Variants in KATNAL1 observed in about 807,000 individuals in gnomAD.
KATNAL1 encodes the protein katanin catalytic subunit A1 like 1, also known as katanin p60 ATPase-containing subunit A-like 1.
In KATNAL1, 32 loss-of-function variants were observed where a neutral mutation model predicts 55.2. The observed-to-expected ratio is 0.58, with a 90% CI of 0.44 to 0.78. KATNAL1 has a LOEUF of 0.78. Ranked by LOEUF, KATNAL1 falls within the 30% of genes least tolerant of loss-of-function variation. The pLI, the probability that KATNAL1 is intolerant of heterozygous loss-of-function variation, is 0.00. For synonymous variants in KATNAL1, 193 were observed against 193.6 expected, an observed-to-expected ratio of 1.00 and a Z score of 0.02; for missense variants, 466 against 600.9, an observed-to-expected ratio of 0.78 and a Z score of 2.35.
At chr13:30,219,755 T>C (rs1278209682) in intron 9 of KATNAL1, among the ~76,000 whole-genome samples, 1 of 152,106 alleles carries the variant, frequency 6.6e-6, no homozygotes, top group African/African-American at 2.4e-5. Flanking sequence ...AGATCCACAA[T>C]AAACAAAGAG....
At position 30,283,753 on chromosome 13, in the gene KATNAL1, T is replaced by C. The variant is rs1430360074; in HGVS notation, c.25A>G (p.Asn9Asp). ...GCATATTCTCTTCCTTTCTTTGCAT[T>C]ATCACAAATCTCAGCCAAATTCATC... MNLAEICD[N>D]AKKGREYALL... is the part of the protein sequence containing the mutation. The change falls in exon 2 of 11, where the codon AAT becomes GAT. Residue 9 changes from asparagine (N) to aspartate (D), a missense_variant. Physicochemically the swap from Asn to Asp is conservative, Grantham distance 23 (BLOSUM62 1). Transcript: ENST00000380615. 3.7e-6 allele frequency: 6 copies of C among 1,611,066 alleles called. No individual in the cohort carries two copies. The highest frequency in any genetic ancestry group is 5.1e-6 in the Non-Finnish European group (6 of 1,178,422).
chr13:30,215,900 A>T (rs975177145), intron 9 of KATNAL1, among the ~76,000 whole-genome samples: 1 of 152,190 alleles, frequency 6.6e-6, no homozygotes, highest in African/African-American at 2.4e-5. Flanking sequence ...CATTGTGCAC[A>T]TGTACCCTAA....
chr13:30,307,394 G>GGCC lies in KATNAL1; in HGVS notation c.-81_-79dup, dbSNP rs531775135. ...CCAGATGGGGTGCGGGTGGGGCGCA[G>GGCC]GCCGCCGCCGCCGCCGCCGCCGAGT... On this transcript the variant is annotated 5_prime_UTR_variant, in exon 1 of 11. Transcript: ENST00000380615. The GGCC allele has an allele frequency of 0.18, 27,382 of 154,850 alleles. 2,582 individuals carry two copies. The highest frequency in any genetic ancestry group is 0.26 in the South Asian group (1,454 of 5,566). The allele number at this position is 154,850 out of a possible 1,614,324, so 9.6% of individuals were successfully genotyped here. A position where few individuals can be genotyped will look rare whatever the true frequency, so the allele number is the denominator to read the frequency against.
intron 9 of KATNAL1, among the ~76,000 whole-genome samples, chr13:30,211,315 T>C (rs569875051): frequency 1.3e-5 from 2 of 152,272 alleles, no homozygotes; most frequent in Admixed American, 1.3e-4. Context: ...GCTCGTCATC[T>C]CTCCTCCCTC....
intron 3 of KATNAL1, among the ~76,000 whole-genome samples, chr13:30,270,933 A>T (rs984509568): frequency 4.6e-5 from 7 of 152,284 alleles, no homozygotes; most frequent in African/African-American, 1.7e-4. Context: ...AAAATAAAAA[A>T]AAAAAAAGAA....
intron 3 of KATNAL1, among the ~76,000 whole-genome samples, chr13:30,267,999 G>T (rs1029667607): frequency 6.6e-6 from 1 of 152,240 alleles, no homozygotes; most frequent in East Asian, 1.9e-4. Context: ...AAAGACAGAA[G>T]AAATAAAAGT....
intron 1 of KATNAL1, among the ~76,000 whole-genome samples, chr13:30,284,139 C>T (rs1029304397): frequency 5.3e-5 from 8 of 152,206 alleles, no homozygotes; most frequent in Middle Eastern, 3.4e-3. Flanking sequence ...GGATTACAGG[C>T]GTGAGCCACT....
At chr13:30,269,088 G>C (rs674253) in intron 3 of KATNAL1, among the ~76,000 whole-genome samples, 3 of 151,426 alleles carry the variant, frequency 2.0e-5, no homozygotes, top group Non-Finnish European at 4.4e-5. Context: ...CTCTCCCCAC[G>C]GTCTCTCTCT....
intron 9 of KATNAL1, among the ~76,000 whole-genome samples, chr13:30,226,558 C>T (rs542161736): frequency 3.3e-5 from 5 of 152,210 alleles, no homozygotes; most frequent in African/African-American, 1.2e-4. Context: ...ATAAAAATCA[C>T]GTACAGTGAA....
At chr13:30,294,636 T>C (rs1049277164) in intron 1 of KATNAL1, among the ~76,000 whole-genome samples, 20 of 152,234 alleles carry the variant, frequency 1.3e-4, no homozygotes, top group Admixed American at 7.2e-4. Flanking sequence ...GCTAAGATCA[T>C]TGATGAAGGT....
chr13:30,209,969 A>G (rs1242604712), intron 10 of KATNAL1, among the ~76,000 whole-genome samples: 1 of 152,062 alleles, frequency 6.6e-6, no homozygotes, highest in Admixed American at 6.6e-5. Flanking sequence ...TTTTTAGTAG[A>G]GGCGGGGTTT....
At chr13:30,213,022 C>T (rs981538827) in intron 9 of KATNAL1, among the ~76,000 whole-genome samples, 2 of 152,162 alleles carry the variant, frequency 1.3e-5, no homozygotes, top group South Asian at 2.1e-4. Context: ...GACAAGATGG[C>T]CACCTATAGG....
intron 6 of KATNAL1, among the ~76,000 whole-genome samples, chr13:30,239,792 T>G (rs1310561224): frequency 6.6e-6 from 1 of 151,226 alleles, no homozygotes; most frequent in Non-Finnish European, 1.5e-5. Context: ...TTCAAGCAAT[T>G]CTCCTGCCTC....
rs1555265594 is a variant in KATNAL1 at position 30,274,894 on chromosome 13, C to CGCGCGCGCGT, written c.323+5168_323+5169insACGCGCGCGC. On this transcript the variant is annotated intron_variant, in intron 3 of 10. Transcript: ENST00000380615. The stretch of plus-strand genomic sequence containing the variant: ...GGCGGGGTGTGTGCACACACATACG[C>CGCGCGCGCGT]GCGCGCGCGCGCGCACACACACACA... Among the ~76,000 whole-genome samples, 149 of 93,258 alleles carry CGCGCGCGCGT rather than the reference C, an allele frequency of 1.6e-3. 2 individuals are homozygous for CGCGCGCGCGT. Among genetic ancestry groups the CGCGCGCGCGT allele is most frequent in the African/African-American group, 6.7e-3 (129 of 19,284 alleles). 61.2% of individuals were successfully genotyped at this position (93,258 alleles called of 152,430 possible). A position where few individuals can be genotyped will look rare whatever the true frequency, so the allele number is the denominator to read the frequency against.
intron 3 of KATNAL1, among the ~76,000 whole-genome samples, chr13:30,275,269 G>C (rs969193041): frequency 4.6e-5 from 7 of 152,116 alleles, no homozygotes; most frequent in Non-Finnish European, 1.0e-4. Flanking sequence ...CATGGCAAAA[G>C]AGTGAGCAAG....
chr13:30,253,794 G>A (rs973060591), intron 4 of KATNAL1, among the ~76,000 whole-genome samples: 3 of 151,932 alleles, frequency 2.0e-5, no homozygotes, highest in African/African-American at 7.3e-5. Context: ...ATCCAATCCA[G>A]ACTTTTCATC....
At chr13:30,247,309 A>G (rs1482817031) in intron 4 of KATNAL1, among the ~76,000 whole-genome samples, 1 of 152,206 alleles carries the variant, frequency 6.6e-6, no homozygotes, top group African/African-American at 2.4e-5. Flanking sequence ...TAAGTTAATA[A>G]ATGCAAACAG....
chr13:30,248,807 C>A (rs1436442996), intron 4 of KATNAL1, among the ~76,000 whole-genome samples: 1 of 152,192 alleles, frequency 6.6e-6, no homozygotes, highest in East Asian at 1.9e-4. Context: ...CGCCTGTAAT[C>A]CCAGCACTTT....
At chr13:30,261,539 A>G (rs1450929119) in intron 3 of KATNAL1, among the ~76,000 whole-genome samples, 3 of 152,210 alleles carry the variant, frequency 2.0e-5, no homozygotes, top group African/African-American at 7.2e-5. Context: ...AAGCAAATGG[A>G]AAACAAAAAT....
Sources: allele counts gnomAD v4.1 joint callset (sites outside exome capture counted in the v4.1 genomes callset), GRCh38; gene constraint gnomAD v4.1.1; transcripts MANE v1.5; gene names NCBI Gene and HGNC (gene_info 2026-07-23, HGNC 2026-07-21).